The following CNTLN variants were observed in gnomAD, a reference collection of about 807,000 sequenced individuals.
CNTLN encodes centlein, centrosomal protein.
CNTLN carries 212 observed loss-of-function variants against 180.0 expected under a neutral mutation model. The observed-to-expected ratio is 1.18, with a 90% confidence interval of 1.05 to 1.32. CNTLN has a LOEUF of 1.32. Ranked by LOEUF, CNTLN falls within the 40% of genes most tolerant of loss-of-function variation. CNTLN has a pLI of 0.00. For synonymous variants in CNTLN, 722 were observed against 563.1 expected (o/e 1.28, Z -3.99); for missense variants, 2,095 against 1,610.9 (o/e 1.30, Z -5.14).
chr9:17,425,765 G>A (rs1304309325), intron 18 of CNTLN, among the ~76,000 whole-genome samples: 1 of 152,154 alleles, frequency 6.6e-6, no homozygotes, highest in African/African-American at 2.4e-5. Flanking sequence ...TGGATTGGCT[G>A]AATTGTGTTC....
chr9:17,167,216 CACTT>C (rs1337801111), intron 2 of CNTLN: 7 of 166,678 alleles, frequency 4.2e-5, no homozygotes, highest in African/African-American at 1.7e-4. Flanking sequence ...ACTAAATCAT[CACTT>C]ACTTGCAGGA....
chr9:17,214,015 C>T (rs1823536283), intron 2 of CNTLN, among the ~76,000 whole-genome samples: 1 of 152,212 alleles, frequency 6.6e-6, no homozygotes, highest in South Asian at 2.1e-4. Context: ...TCCAATTTGC[C>T]AGTCTGTGTC....
chr9:17,336,301 T>A (rs1821031977), intron 10 of CNTLN, among the ~76,000 whole-genome samples: 1 of 152,210 alleles, frequency 6.6e-6, no homozygotes, highest in South Asian at 2.1e-4. Flanking sequence ...TATTTTAAGA[T>A]ATCCAACTTT....
intron 9 of CNTLN, among the ~76,000 whole-genome samples, chr9:17,331,744 A>G (rs1008342834): frequency 3.3e-5 from 5 of 152,124 alleles, no homozygotes; most frequent in African/African-American, 9.6e-5. Context: ...TTATTAAAAC[A>G]TAACTGCATT....
chr9:17,388,869 A>G lies in CNTLN; in HGVS notation c.2079+616A>G, dbSNP rs1825886064. On this transcript the variant is annotated intron_variant, in intron 14 of 25. Coordinates refer to ENST00000380647, the MANE Select transcript of CNTLN (RefSeq NM_017738.4). ...TTAATATTTACCTTTATAATTTTATACTTAATTTGCATTTTTATAAATAAA... is the reference window on the plus strand; with the variant it reads ...TTAATATTTACCTTTATAATTTTATGCTTAATTTGCATTTTTATAAATAAA... 2.6e-5 allele frequency among the ~76,000 whole-genome samples: 4 copies of G among 151,982 alleles called. No homozygotes were observed. In the South Asian group the frequency reaches 8.3e-4, roughly 32 times the overall value.
intron 18 of CNTLN, among the ~76,000 whole-genome samples, chr9:17,424,781 C>G (rs1041463070): frequency 3.3e-5 from 5 of 152,142 alleles, no homozygotes; most frequent in Non-Finnish European, 7.4e-5. Context: ...GAAACCTGAG[C>G]TGACTGGCAC....
chr9:17,502,434 C>A (rs959555261), intron 25 of CNTLN, 117 bp from the exon 26 acceptor site: 3 of 524,336 alleles, frequency 5.7e-6, no homozygotes, highest in Non-Finnish European at 1.0e-5. Flanking sequence ...CAGTAGGGTA[C>A]CATTATGGCT....
In CNTLN at chr9:17,135,296, T is replaced by C. The variant is rs1363721712; in HGVS notation, c.231T>C (p.Ala77=). The C allele has an allele frequency of 6.2e-7, 1 of 1,600,646 alleles. No homozygotes were observed. The highest frequency in any genetic ancestry group is 1.3e-5 in the African/African-American group (1 of 74,804). The change falls in exon 1 of 26, where the codon GCT becomes GCC. Residue 77 remains alanine, a synonymous_variant. Coordinates refer to ENST00000380647, the MANE Select transcript of CNTLN (RefSeq NM_017738.4). ...CTGGGGGGGCAGCTCCGGCTCATGCTCCCCTCCTCAGCGCGCCCATGGGGT... is the reference window on the plus strand; with the variant it reads ...CTGGGGGGGCAGCTCCGGCTCATGCCCCCCTCCTCAGCGCGCCCATGGGGT... The part of the protein sequence containing the change: ...RGPGGAAPAH[A]PLLSAPMGSR...
intron 12 of CNTLN, among the ~76,000 whole-genome samples, chr9:17,360,622 A>G (rs750707248): frequency 6.6e-6 from 1 of 152,206 alleles, no homozygotes; most frequent in Non-Finnish European, 1.5e-5. Flanking sequence ...AAGTGCACAG[A>G]TGGGCTTAGG....
Position 17,409,535 on chromosome 9 carries a change from A to G in CNTLN, c.2796+62A>G, listed in dbSNP as rs1419560249. The G allele has an allele frequency of 8.3e-6, 10 of 1,201,904 alleles. No individual in the cohort carries two copies. In the Admixed American group the frequency reaches 2.3e-4, roughly 28 times the overall value. The allele number at this position is 1,201,904 out of a possible 1,614,324, so 74.5% of individuals were successfully genotyped here. A position where few individuals can be genotyped will look rare whatever the true frequency, so the allele number is the denominator to read the frequency against. On this transcript the variant is annotated intron_variant, in intron 16 of 25. Coordinates refer to ENST00000380647, the MANE Select transcript of CNTLN (RefSeq NM_017738.4). The stretch of plus-strand genomic sequence containing the variant: ...TTTAAATTTTATCTTATGCTTTATA[A>G]CTTAAGTAAATAAATGTTACTACTG...
intron 10 of CNTLN, among the ~76,000 whole-genome samples, chr9:17,338,331 A>AT (rs1238106698): frequency 2.2e-4 from 6 of 27,332 alleles, no homozygotes; most frequent in Non-Finnish European, 3.7e-4. Flanking sequence ...CTCCTGGCTA[A>AT]TTTTTGTTTT....
chr9:17,363,970 A>T (rs1232523278), intron 12 of CNTLN, among the ~76,000 whole-genome samples: 1 of 151,554 alleles, frequency 6.6e-6, no homozygotes, highest in East Asian at 1.9e-4. Context: ...TGATATGAGA[A>T]CTCTGCTGTT....
the CNTLN span, among the ~76,000 whole-genome samples, chr9:17,514,057 C>T: frequency 6.6e-6 from 1 of 152,018 alleles, no homozygotes. Flanking sequence ...CCTGTAATCC[C>T]AGCACTTTGG....
intron 6 of CNTLN, among the ~76,000 whole-genome samples, chr9:17,278,483 G>A (rs1828457244): frequency 6.6e-6 from 1 of 152,068 alleles, no homozygotes; most frequent in African/African-American, 2.4e-5. Flanking sequence ...GTCTACCTCT[G>A]TGTCTTTCCT....
the CNTLN span, among the ~76,000 whole-genome samples, chr9:17,528,391 G>C: frequency 6.6e-6 from 1 of 152,058 alleles, no homozygotes; most frequent in East Asian, 1.9e-4. Flanking sequence ...ATCCCAGCTT[G>C]ATTATGAAGA....
At chr9:17,161,056 A>G (rs10962885) in intron 2 of CNTLN, among the ~76,000 whole-genome samples, 7,377 of 152,242 alleles carry the variant, frequency 0.048, 232 homozygotes, top group South Asian at 0.15. Context: ...TGATATTCAT[A>G]TTAATGTAAT....
intron 8 of CNTLN, among the ~76,000 whole-genome samples, chr9:17,320,219 A>T (rs568410073): frequency 6.6e-6 from 1 of 152,266 alleles, no homozygotes; most frequent in East Asian, 1.9e-4. Flanking sequence ...TGCTTTCCTC[A>T]ATTGAAGAGA....
chr9:17,154,745 T>A (rs1725523543), intron 2 of CNTLN, among the ~76,000 whole-genome samples: 1 of 152,160 alleles, frequency 6.6e-6, no homozygotes, highest in Non-Finnish European at 1.5e-5. Context: ...AACGGACCAG[T>A]CAGCACTCTG....
chr9:17,389,474 A>G (rs1337134702), intron 14 of CNTLN, among the ~76,000 whole-genome samples: 2 of 152,158 alleles, frequency 1.3e-5, no homozygotes, highest in African/African-American at 4.8e-5. Flanking sequence ...ATTTCATTCC[A>G]TCTGCCATAA....
Sources: allele counts gnomAD v4.1 joint callset (sites outside exome capture counted in the v4.1 genomes callset), GRCh38; gene constraint gnomAD v4.1.1; transcripts MANE v1.5; gene names NCBI Gene and HGNC (gene_info 2026-07-23, HGNC 2026-07-21).